Variants in GAS2 observed in about 807,000 individuals in gnomAD.
The protein encoded by GAS2 is growth arrest-specific protein 2.
A neutral mutation model predicts 37.5 loss-of-function variants in GAS2; 20 were observed. The ratio of observed to expected loss-of-function variants is 0.53; its 90% confidence interval spans 0.37 to 0.77. GAS2 has a LOEUF of 0.77. Among genes scored for constraint, GAS2 ranks in the 30% least tolerant of loss-of-function variants. The probability of loss-of-function intolerance (pLI) is 0.00; values close to 1 mark genes in which losing one functional copy is unlikely to be tolerated. For synonymous variants in GAS2, 144 were observed against 132.2 expected, an observed-to-expected ratio of 1.09 and a Z score of -0.61; for missense variants, 336 against 373.4, an observed-to-expected ratio of 0.90 and a Z score of 0.82.
At chr11:22,731,276 CTT>C in intron 4 of GAS2, 1 of 406,074 alleles carries the variant, frequency 2.5e-6, no homozygotes, top group South Asian at 1.8e-5. Context: ...AAAATACACA[CTT>C]TTTTTGCTTG....
rs144707635 is a variant in GAS2, at chr11:22,757,794, T to C, written c.723+1841T>C. 3.0e-3 allele frequency among the ~76,000 whole-genome samples: 456 copies of C among 152,292 alleles called. 2 individuals are homozygous for C. The highest frequency in any genetic ancestry group is 4.9e-3 in the Non-Finnish European group (331 of 67,998). On this transcript the variant is annotated intron_variant, in intron 7 of 7. Coordinates refer to ENST00000454584, the MANE Select transcript of GAS2 (RefSeq NM_001143830.3). ...ACTATTTGTCAAAAAAGGAAAACAT[T>C]CTTGAACATATATTGATTGAAATAC... is the stretch of plus-strand genomic sequence containing the variant.
intron 7 of GAS2, 103 bp downstream of exon 7, chr11:22,756,056 C>A: frequency 1.4e-6 from 1 of 729,000 alleles, no homozygotes; most frequent in South Asian, 1.9e-5. Flanking sequence ...ATGGTGCTTA[C>A]GTTTAAAGAT....
chr11:22,756,753 C>A (rs923752053), intron 7 of GAS2, among the ~76,000 whole-genome samples: 3 of 152,046 alleles, frequency 2.0e-5, no homozygotes, highest in African/African-American at 7.2e-5. Flanking sequence ...TAATATATTT[C>A]TTAAATTTCC....
chr11:22,791,796 G>C (rs1168636795), intron 7 of GAS2, among the ~76,000 whole-genome samples: 2 of 152,208 alleles, frequency 1.3e-5, no homozygotes, highest in Admixed American at 1.3e-4. Flanking sequence ...TGAAACCAAA[G>C]TGTTGGCAAC....
intron 7 of GAS2, among the ~76,000 whole-genome samples, chr11:22,792,245 C>A (rs547768785): frequency 2.6e-5 from 4 of 152,142 alleles, no homozygotes; most frequent in African/African-American, 9.6e-5. Flanking sequence ...ATTAGATAAA[C>A]AACATCCCTC....
intron 7 of GAS2, among the ~76,000 whole-genome samples, chr11:22,805,191 A>G (rs374782255): frequency 1.3e-5 from 2 of 152,124 alleles, no homozygotes; most frequent in South Asian, 4.1e-4. Flanking sequence ...TCTTTTTTAA[A>G]AAAGAATTTA....
intron 1 of GAS2, among the ~76,000 whole-genome samples, chr11:22,627,799 A>G (rs1858684759): frequency 1.3e-5 from 2 of 150,444 alleles, no homozygotes; most frequent in African/African-American, 2.4e-5. Flanking sequence ...AGGAAAATGG[A>G]AAAAAAAAGG....
At chr11:22,724,256 A>G (rs1471032223) in intron 3 of GAS2, among the ~76,000 whole-genome samples, 3 of 151,872 alleles carry the variant, frequency 2.0e-5, no homozygotes. Flanking sequence ...TATTCTGAAC[A>G]TATTTCTGGT....
chr11:22,798,216 A>G (rs1412629187), intron 7 of GAS2, among the ~76,000 whole-genome samples: 1 of 152,076 alleles, frequency 6.6e-6, no homozygotes, highest in Non-Finnish European at 1.5e-5. Flanking sequence ...CCTTATCATT[A>G]TCAGTGGCAG....
At chr11:22,650,043 T>C (rs1221064137) in intron 1 of GAS2, among the ~76,000 whole-genome samples, 5 of 151,934 alleles carry the variant, frequency 3.3e-5, no homozygotes, top group Admixed American at 3.3e-4. Context: ...CTGCTTTCTC[T>C]TGTGGGCATT....
At chr11:22,653,725 G>T (rs2133836776) in intron 1 of GAS2, among the ~76,000 whole-genome samples, 2 of 139,518 alleles carry the variant, frequency 1.4e-5, no homozygotes, top group Admixed American at 1.4e-4. Flanking sequence ...TTAGGATTGA[G>T]ACAATAGGTG....
At chr11:22,680,957 A>G (rs1206199997) in intron 2 of GAS2, among the ~76,000 whole-genome samples, 1 of 152,196 alleles carries the variant, frequency 6.6e-6, no homozygotes, top group Non-Finnish European at 1.5e-5. Context: ...TGTAAAATGG[A>G]TATAATAATA....
At chr11:22,684,807 C>T (rs914682737) in intron 2 of GAS2, among the ~76,000 whole-genome samples, 2 of 152,162 alleles carry the variant, frequency 1.3e-5, no homozygotes, top group African/African-American at 4.8e-5. Context: ...CGAGCTCAAG[C>T]AATCCACCTA....
At chr11:22,776,803 A>G (rs557903332) in intron 7 of GAS2, among the ~76,000 whole-genome samples, 2 of 152,272 alleles carry the variant, frequency 1.3e-5, no homozygotes, top group East Asian at 3.9e-4. Context: ...TATGGCATTT[A>G]TTAAATGATG....
intron 4 of GAS2, among the ~76,000 whole-genome samples, chr11:22,733,307 G>A (rs1852575622): frequency 6.6e-6 from 1 of 151,666 alleles, no homozygotes; most frequent in African/African-American, 2.4e-5. Context: ...CTCTGGGAAA[G>A]TAGGCAGCCA....
At chr11:22,684,062 A>G (rs1325719990) in intron 2 of GAS2, among the ~76,000 whole-genome samples, 3 of 152,186 alleles carry the variant, frequency 2.0e-5, no homozygotes, top group African/African-American at 7.2e-5. Flanking sequence ...AAGGTAGGGC[A>G]TTGAAGTTGG....
At chr11:22,681,772 A>G (rs186527633) in intron 2 of GAS2, among the ~76,000 whole-genome samples, 2 of 152,144 alleles carry the variant, frequency 1.3e-5, no homozygotes, top group East Asian at 1.9e-4. Flanking sequence ...AAGTGTAATT[A>G]TTTCTACACA....
At chr11:22,752,604 T>G (rs1853802775) in intron 6 of GAS2, among the ~76,000 whole-genome samples, 1 of 151,372 alleles carries the variant, frequency 6.6e-6, no homozygotes, top group Admixed American at 6.6e-5. Context: ...TAATATTGGC[T>G]AATTTTACTC....
intron 7 of GAS2, among the ~76,000 whole-genome samples, chr11:22,781,087 T>G (rs1855536284): frequency 6.6e-6 from 1 of 151,878 alleles, no homozygotes; most frequent in Non-Finnish European, 1.5e-5. Flanking sequence ...CAGATCAGAG[T>G]AGAGGCAGAC....
Sources: gnomAD v4.1 joint callset for allele counts (sites outside exome capture counted in the v4.1 genomes callset) on GRCh38, gnomAD v4.1.1 for gene constraint, MANE v1.5 for transcripts, NCBI Gene and HGNC (gene_info 2026-07-23, HGNC 2026-07-21) for gene names.